Variants in MACROD2 observed in about 807,000 individuals in gnomAD.
MACROD2 encodes mono-ADP ribosylhydrolase 2, also known as ADP-ribose glycohydrolase MACROD2.
MACROD2 carries 36 observed loss-of-function variants against 70.4 expected under a neutral mutation model. The ratio of observed to expected loss-of-function variants is 0.51; its 90% CI spans 0.39 to 0.68. MACROD2 has a LOEUF of 0.68. Among genes scored for constraint, MACROD2 ranks in the 30% least tolerant of loss-of-function variants. The probability of loss-of-function intolerance (pLI) is 0.00; values close to 1 mark genes in which losing one functional copy is unlikely to be tolerated. For synonymous variants in MACROD2, 172 were observed against 178.8 expected (o/e 0.96, Z 0.30); for missense variants, 496 against 538.4 (o/e 0.92, Z 0.78).
At chr20:15,901,775 T>A (rs2065068076) in intron 10 of MACROD2, among the ~76,000 whole-genome samples, 1 of 152,168 alleles carries the variant, frequency 6.6e-6, no homozygotes, top group Non-Finnish European at 1.5e-5. Context: ...GGTACCAGAT[T>A]AGGTCAGGGG....
intron 5 of MACROD2, among the ~76,000 whole-genome samples, chr20:14,825,686 C>T (rs1424822287): frequency 6.6e-6 from 1 of 152,088 alleles, no homozygotes; most frequent in Non-Finnish European, 1.5e-5. Context: ...CCTGTCAGGC[C>T]AAACAGGACT....
At chr20:14,172,303 CT>C (rs142877520) in intron 3 of MACROD2, among the ~76,000 whole-genome samples, 8 of 112,206 alleles carry the variant, frequency 7.1e-5, no homozygotes, top group East Asian at 2.6e-4. Flanking sequence ...CATTCCGTAC[CT>C]TTTTTTTTTT....
intron 2 of MACROD2, among the ~76,000 whole-genome samples, chr20:14,019,430 C>T (rs531400586): frequency 1.5e-4 from 23 of 151,998 alleles, no homozygotes; most frequent in African/African-American, 4.1e-4. Flanking sequence ...CCACCATGCC[C>T]GGCTAATTTT....
At chr20:15,246,121 G>A (rs6043152) in intron 6 of MACROD2, among the ~76,000 whole-genome samples, 40,167 of 152,082 alleles carry the variant, frequency 0.26, 5,991 homozygotes, top group Non-Finnish European at 0.34. Flanking sequence ...CTAATAAATC[G>A]TCTTATCTCA....
At chr20:15,987,515 C>A (rs934326566) in intron 15 of MACROD2, among the ~76,000 whole-genome samples, 2 of 152,160 alleles carry the variant, frequency 1.3e-5, no homozygotes, top group Non-Finnish European at 2.9e-5. Context: ...AATAGACTGG[C>A]CTTTTTGTAT....
chr20:14,188,094 A>G (rs1396031193), intron 3 of MACROD2, among the ~76,000 whole-genome samples: 3 of 152,176 alleles, frequency 2.0e-5, no homozygotes, highest in African/African-American at 7.2e-5. Context: ...GTCAATCTAA[A>G]GGGTATATGC....
At chr20:14,202,564 T>C (rs1427338481) in intron 3 of MACROD2, among the ~76,000 whole-genome samples, 4 of 152,232 alleles carry the variant, frequency 2.6e-5, no homozygotes, top group Non-Finnish European at 4.4e-5. Context: ...TTTGCTTATT[T>C]ATTTTTATTG....
At chr20:14,638,983 GAATATGTGTT>G (rs1474031826) in intron 4 of MACROD2, among the ~76,000 whole-genome samples, 1 of 151,718 alleles carries the variant, frequency 6.6e-6, no homozygotes, top group African/African-American at 2.4e-5. Flanking sequence ...TTAAATGAGT[GAATATGTGTT>G]AATCTCTTAG....
At chr20:14,028,734 G>T (rs6514462) in intron 2 of MACROD2, among the ~76,000 whole-genome samples, 1 of 151,992 alleles carries the variant, frequency 6.6e-6, no homozygotes, top group Non-Finnish European at 1.5e-5. Flanking sequence ...GCTTCTGCTC[G>T]CCCTCCCTCT....
intron 4 of MACROD2, among the ~76,000 whole-genome samples, chr20:14,619,227 T>C (rs900334672): frequency 2.0e-5 from 3 of 151,770 alleles, no homozygotes; most frequent in Non-Finnish European, 2.9e-5. Context: ...ATCCATGAAC[T>C]CTGTTAAAAT....
intron 8 of MACROD2, among the ~76,000 whole-genome samples, chr20:15,593,749 T>C (rs916494540): frequency 5.9e-5 from 9 of 152,198 alleles, no homozygotes; most frequent in Admixed American, 3.3e-4. Context: ...CTTTATTTCA[T>C]TTTTTTCTGA....
At chr20:15,498,517 T>C (rs2047326621) in intron 7 of MACROD2, among the ~76,000 whole-genome samples, 1 of 152,172 alleles carries the variant, frequency 6.6e-6, no homozygotes, top group Non-Finnish European at 1.5e-5. Flanking sequence ...ATGGCACACA[T>C]TTAATGAATG....
At chr20:15,510,375 T>C (rs543291963) in intron 8 of MACROD2, among the ~76,000 whole-genome samples, 1 of 152,184 alleles carries the variant, frequency 6.6e-6, no homozygotes, top group South Asian at 2.1e-4. Context: ...TTCCTTGTCC[T>C]CTACCTTGAT....
intron 2 of MACROD2, among the ~76,000 whole-genome samples, chr20:14,077,300 A>G (rs945552932): frequency 6.6e-6 from 1 of 152,206 alleles, no homozygotes; most frequent in African/African-American, 2.4e-5. Context: ...AAGAAACTAG[A>G]TATAATTGGG....
intron 3 of MACROD2, among the ~76,000 whole-genome samples, chr20:14,115,840 A>G (rs2054506856): frequency 6.6e-6 from 1 of 152,200 alleles, no homozygotes; most frequent in African/African-American, 2.4e-5. Context: ...AATTATAGTG[A>G]TTCTGATTTT....
intron 8 of MACROD2, among the ~76,000 whole-genome samples, chr20:15,648,823 A>T (rs1424746178): frequency 4.6e-5 from 7 of 152,124 alleles, no homozygotes; most frequent in African/African-American, 1.4e-4. Context: ...CCACTGAGAG[A>T]TGAGAAAAAG....
At chr20:15,287,891 C>A (rs1342682412) in intron 6 of MACROD2, among the ~76,000 whole-genome samples, 1 of 152,120 alleles carries the variant, frequency 6.6e-6, no homozygotes, top group Non-Finnish European at 1.5e-5. Context: ...TTTCTTTGAA[C>A]CTTTTAAAAT....
chr20:14,398,712 G>T (rs1205063782), intron 3 of MACROD2, among the ~76,000 whole-genome samples: 1 of 152,008 alleles, frequency 6.6e-6, no homozygotes, highest in African/African-American at 2.4e-5. Flanking sequence ...CGTCCTACAG[G>T]TTATCTCTTT....
chr20:15,038,228 T>G (rs1247948325), intron 5 of MACROD2, among the ~76,000 whole-genome samples: 3 of 152,238 alleles, frequency 2.0e-5, no homozygotes, highest in Admixed American at 2.0e-4. Context: ...AAATAGAAAT[T>G]ATAAGATTTC....
Sources: gnomAD v4.1 joint callset for allele counts (sites outside exome capture counted in the v4.1 genomes callset) on GRCh38, gnomAD v4.1.1 for gene constraint, MANE v1.5 for transcripts, NCBI Gene and HGNC (gene_info 2026-07-23, HGNC 2026-07-21) for gene names.